CFAP65: variants seen among roughly 807,000 people sequenced by gnomAD.
CFAP65 encodes the protein cilia- and flagella-associated protein 65.
A neutral mutation model predicts 208.0 loss-of-function variants in CFAP65; 155 were observed. The observed-to-expected ratio is 0.75, with a 90% CI of 0.65 to 0.85. The LOEUF is 0.85. CFAP65 is among the 40% of genes least tolerant of loss of function. The pLI, the probability that CFAP65 is intolerant of heterozygous loss-of-function variation, is 0.00. For synonymous variants in CFAP65, 970 were observed against 986.3 expected (o/e 0.98, Z 0.31); for missense variants, 2,294 against 2,451.3 (o/e 0.94, Z 1.36).
rs570298225 is a variant in CFAP65 at position 219,023,925 on chromosome 2, G to C, written c.2595+90C>G. The C allele has an allele frequency of 6.9e-5, 103 of 1,488,528 alleles. 1 individual carries two copies. The African/African-American group carries it at 1.3e-3, about 19-fold the overall frequency. 92.2% of individuals were successfully genotyped at this position (1,488,528 alleles called of 1,614,324 possible). A position where few individuals can be genotyped will look rare whatever the true frequency, so the allele number is the denominator to read the frequency against. Reference sequence around the variant, plus strand: ...GAGAAGTGGCCCCCTGGAAATCTTAGGGGCCAACCCCAGAATATGGCCTTG... The same window carrying C: ...GAGAAGTGGCCCCCTGGAAATCTTACGGGCCAACCCCAGAATATGGCCTTG... On this transcript the variant is annotated intron_variant, in intron 15 of 34. Coordinates refer to ENST00000341552, the MANE Select transcript of CFAP65 (RefSeq NM_194302.4).
At position 219,010,001 on chromosome 2, in the gene CFAP65, T is replaced by C. The variant is rs201783710; in HGVS notation, c.4393A>G (p.Ile1465Val). The C allele has an allele frequency of 1.2e-5, 19 of 1,612,756 alleles. No homozygotes were observed. The highest frequency in any genetic ancestry group is 2.2e-5 in the East Asian group (1 of 44,866). The stretch of plus-strand genomic sequence containing the variant: ...AAGGCAATTTCCTCGTTCTTGGAGA[T>C]GTTGTTGAGGAAGAGCAGGCGGCTG... The part of the protein sequence containing the change: ...KCSRLLFLNN[I>V]SKNEEIAFSW... The change falls in exon 27 of 35, where the codon ATC (isoleucine) becomes GTC (valine). Residue 1465 changes from isoleucine (I) to valine (V), a missense_variant. Around this residue, in one of 2 missense-constraint regions of CFAP65, gnomAD observed 1,427 missense variants for 1,438.7 expected, o/e 0.99. Coordinates refer to ENST00000341552, the MANE Select transcript of CFAP65 (RefSeq NM_194302.4).
intron 29 of CFAP65, among the ~76,000 whole-genome samples, chr2:219,007,140 G>GT (rs201338358): frequency 1.3e-4 from 20 of 148,444 alleles, no homozygotes; most frequent in African/African-American, 3.1e-4. Flanking sequence ...CCCAAGAAGA[G>GT]TTTTTTTTGT....
chr2:219,018,973 G>T, intron 21 of CFAP65, 78 bp downstream of exon 21: 1 of 1,587,142 alleles, frequency 6.3e-7, no homozygotes, highest in East Asian at 2.2e-5. Context: ...CCACGGGCAA[G>T]AGAGTGCAGC....
chr2:219,041,203 C>T (rs1472091342), intron 1 of CFAP65, among the ~76,000 whole-genome samples: 1 of 152,172 alleles, frequency 6.6e-6, no homozygotes, highest in Non-Finnish European at 1.5e-5. Flanking sequence ...TCCAAGATGA[C>T]CACTAGAAAA....
At position 219,021,925 on chromosome 2, in the gene CFAP65, C is replaced by A. The variant is rs373092880; in HGVS notation, c.2985G>T (p.Lys995Asn). Residue 995 changes from lysine to asparagine, a missense_variant, in exon 18 of 35, where the codon AAG becomes AAT. Physicochemically the swap from Lys to Asn is moderately conservative, Grantham distance 94. Coordinates refer to ENST00000341552, the MANE Select transcript of CFAP65 (RefSeq NM_194302.4). ...CATTCCCAAAGGCCAGCTCCTTTTC[C>A]TTTGCCTGGAGGCCACAGTCAGCCA... ...GVGLTSSLSA[K>N]EKELAFGNVL... 3.7e-5 allele frequency: 59 copies of A among 1,613,280 alleles called. No individual in the cohort carries two copies. The highest frequency in any genetic ancestry group is 1.3e-4 in the Admixed American group (8 of 59,998).
At position 219,002,898 on chromosome 2, in the gene CFAP65, G is replaced by T. The variant is rs1945670928; in HGVS notation, c.*39C>A. The T allele has an allele frequency of 4.6e-6, 7 of 1,518,778 alleles. No homozygotes were observed. The South Asian group carries it at 7.2e-5, about 16-fold the overall frequency. The allele number at this position is 1,518,778 out of a possible 1,614,324, so 94.1% of individuals were successfully genotyped here. A position where few individuals can be genotyped will look rare whatever the true frequency, so the allele number is the denominator to read the frequency against. ...TGGCGGTGGAGAGGGGGCCAGGCGT[G>T]ACCCCTAGCGGCATGTCGGAGAGGC... On this transcript the variant is annotated 3_prime_UTR_variant, in exon 35 of 35. Transcript: ENST00000341552. This position sits in a 1 kb window ranked among gnomAD's most constrained non-coding sequence, Gnocchi z 7.9.
chr2:219,028,457 G>T (rs10187743), intron 11 of CFAP65, 56 bp from the exon 12 acceptor site: 2 of 1,463,026 alleles, frequency 1.4e-6, no homozygotes, highest in African/African-American at 1.4e-5. Flanking sequence ...GGCAAGGGGG[G>T]TGCTGGGGGT....
chr2:219,031,063 G>T lies in CFAP65; in HGVS notation c.1015+43C>A. On this transcript the variant is annotated intron_variant, in intron 8 of 34. Transcript: ENST00000341552. This position sits in a 1 kb window ranked among gnomAD's most constrained non-coding sequence, Gnocchi z 5.2. ...CTGAGGCCTGGAGGACCCAGAAGGTGCAGGAGGGGCCAGTCTGGGGACGGT... is the reference window on the plus strand; with the variant it reads ...CTGAGGCCTGGAGGACCCAGAAGGTTCAGGAGGGGCCAGTCTGGGGACGGT... 3 of 1,548,032 alleles carry T rather than the reference G, an allele frequency of 1.9e-6. No individual in the cohort carries two copies. Among genetic ancestry groups the T allele is most frequent in the Non-Finnish European group, 2.6e-6 (3 of 1,144,254 alleles).
At chr2:219,027,156 C>T in intron 13 of CFAP65, 2 of 1,171,356 alleles carry the variant, frequency 1.7e-6, no homozygotes, top group Non-Finnish European at 2.1e-6. Context: ...CATCTGGGGC[C>T]AGAACAGCAG....
chr2:219,030,240 G>C, intron 9 of CFAP65, 32 bp from the exon 10 acceptor site: 1 of 1,601,136 alleles, frequency 6.2e-7, no homozygotes, highest in Non-Finnish European at 8.6e-7. Flanking sequence ...CAAAGGGTCA[G>C]GTCACAGAGC....
In CFAP65 at chr2:219,003,260, G is replaced by A. The variant is rs934641819; in HGVS notation, c.5568C>T (p.Phe1856=). The change falls in exon 34 of 35, where the codon TTC becomes TTT. Residue 1856 remains phenylalanine (F), a synonymous_variant. Transcript: ENST00000341552. The surrounding 1 kb of genome is among the most constrained non-coding windows in gnomAD (Gnocchi z 4.4). Reference sequence around the variant, plus strand: ...CCAGCAGCGCCTCCTGCAGGTTGGCGAAGGCCGGGAGCCTGCGAGGGGGCG... The same window carrying A: ...CCAGCAGCGCCTCCTGCAGGTTGGCAAAGGCCGGGAGCCTGCGAGGGGGCG... ...EKEAIRRLPA[F]ANLQEALLEN... 8.4e-6 allele frequency: 13 copies of A among 1,541,804 alleles called. No homozygotes were observed. Among genetic ancestry groups the A allele is most frequent in the South Asian group, 8.4e-5 (7 of 83,024 alleles).
chr2:219,033,625 T>C (rs1476496752), intron 5 of CFAP65: 1 of 152,166 alleles, frequency 6.6e-6, no homozygotes, highest in Non-Finnish European at 1.5e-5. Flanking sequence ...TAGAAGAATA[T>C]TCCCATAATC....
intron 1 of CFAP65, 73 bp downstream of exon 1, chr2:219,041,415 A>T (rs1269736347): frequency 1.3e-6 from 2 of 1,495,666 alleles, no homozygotes; most frequent in African/African-American, 2.8e-5. Context: ...GTCTCCCGGG[A>T]CAGATACCTT....
At chr2:219,023,983 A>G in intron 15 of CFAP65, 32 bp downstream of exon 15, 1 of 1,600,606 alleles carries the variant, frequency 6.2e-7, no homozygotes, top group Non-Finnish European at 8.5e-7. Context: ...GCCCATTCCC[A>G]AGGACCCAGG....
rs188567726 is a variant in CFAP65, at chr2:219,012,288, T to G, written c.3957+971A>C. Among the ~76,000 whole-genome samples the G allele has an allele frequency of 7.6e-3, 1,158 of 152,366 alleles. 15 individuals are homozygous for G. Among genetic ancestry groups the G allele is most frequent in the Middle Eastern group, 0.068 (20 of 294 alleles). On this transcript the variant is annotated intron_variant, in intron 24 of 34. Coordinates refer to ENST00000341552, the MANE Select transcript of CFAP65 (RefSeq NM_194302.4). ...TGGTTGTCTCATTAGCATCTCAAAC[T>G]TGGCCAGAACCAAACTCTTCATTCT...
Position 219,031,144 on chromosome 2 carries a change from C to T in CFAP65, c.977G>A (p.Gly326Asp). Residue 326 changes from glycine to aspartate, a missense_variant, in exon 8 of 35, where the codon GGC becomes GAC. This residue lies in a region of CFAP65 where 867 missense variants were observed against 1,012.6 expected (regional missense o/e 0.86). Transcript: ENST00000341552. This position sits in a 1 kb window ranked among gnomAD's most constrained non-coding sequence, Gnocchi z 5.2. ...EVQATCWYGA[G>D]SRQRSSIQLQ... ...CTGGATGCTGCTCCTCTGCCGGCTG[C>T]CCGCCCCGTACCAGCACGTGGCCTG... 1.2e-6 allele frequency: 2 copies of T among 1,603,336 alleles called. No individual in the cohort carries two copies. Among genetic ancestry groups the T allele is most frequent in the Non-Finnish European group, 8.5e-7 (1 of 1,175,272 alleles).
At chr2:219,005,217 G>A (rs1945878364) in intron 32 of CFAP65, among the ~76,000 whole-genome samples, 1 of 151,994 alleles carries the variant, frequency 6.6e-6, no homozygotes, top group Admixed American at 6.6e-5. Flanking sequence ...GTAGAGATGG[G>A]GTCTTGCTAT....
intron 23 of CFAP65, 29 bp from the exon 24 acceptor site, chr2:219,013,398 T>A (rs1292468445): frequency 1.9e-6 from 3 of 1,575,130 alleles, no homozygotes; most frequent in Non-Finnish European, 2.6e-6. Flanking sequence ...CCGGAGGAAC[T>A]GACACAGCCA....
intron 29 of CFAP65, 89 bp downstream of exon 29, chr2:219,008,958 G>A (rs1019230678): frequency 9.2e-7 from 1 of 1,089,540 alleles, no homozygotes; most frequent in Non-Finnish European, 1.4e-6. Flanking sequence ...GTTTGGCCTG[G>A]AGGGCCACCT....
Sources: allele counts gnomAD v4.1 joint callset (sites outside exome capture counted in the v4.1 genomes callset), GRCh38; gene constraint gnomAD v4.1.1; regional missense constraint gnomAD v4.1.1; non-coding constraint Gnocchi (gnomAD v3.1); transcripts MANE v1.5; gene names NCBI Gene and HGNC (gene_info 2026-07-23, HGNC 2026-07-21).